The following KLHL29 variants were observed in gnomAD, a reference collection of about 807,000 sequenced individuals.
The protein encoded by KLHL29 is kelch like family member 29.
In KLHL29, 21 loss-of-function variants were observed where a neutral mutation model predicts 80.4. That is an observed-to-expected ratio of 0.26 (90% confidence interval 0.19 to 0.38). The LOEUF is 0.38. Ranked by LOEUF, KLHL29 falls within the 10% of genes least tolerant of loss-of-function variation. The pLI, the probability that KLHL29 is intolerant of heterozygous loss-of-function variation, is 1.00. For missense variants in KLHL29, 867 were observed against 1,223.9 expected, an observed-to-expected ratio of 0.71 and a Z score of 4.35; for synonymous variants, 511 against 526.8, an observed-to-expected ratio of 0.97 and a Z score of 0.41.
chr2:23,574,446 G>A (rs547693176), intron 3 of KLHL29, among the ~76,000 whole-genome samples: 3 of 152,164 alleles, frequency 2.0e-5, no homozygotes, highest in Non-Finnish European at 4.4e-5. Context: ...GGCTGTTGTG[G>A]GGTCTAAATG....
chr2:23,582,739 A>G (rs769066973), intron 3 of KLHL29, among the ~76,000 whole-genome samples: 142 of 152,212 alleles, frequency 9.3e-4, no homozygotes, highest in Non-Finnish European at 1.1e-3. Flanking sequence ...CTTCCAAAGG[A>G]ACCCATCTCT....
intron 3 of KLHL29, among the ~76,000 whole-genome samples, chr2:23,566,929 T>C (rs976368757): frequency 1.3e-5 from 2 of 152,202 alleles, no homozygotes; most frequent in Non-Finnish European, 2.9e-5. Flanking sequence ...CCCCTGGTGG[T>C]TGGTGCTGGA....
chr2:23,546,183 A>G (rs1666974470), intron 2 of KLHL29, among the ~76,000 whole-genome samples: 1 of 152,214 alleles, frequency 6.6e-6, no homozygotes, highest in South Asian at 2.1e-4. Flanking sequence ...GGCTCTGTGC[A>G]GCCACACATG....
chr2:23,619,780 T>C (rs903695685), intron 3 of KLHL29, among the ~76,000 whole-genome samples: 1 of 152,164 alleles, frequency 6.6e-6, no homozygotes, highest in African/African-American at 2.4e-5. Context: ...GGGCATTAAG[T>C]CCAGACTGCT....
intron 2 of KLHL29, among the ~76,000 whole-genome samples, chr2:23,478,527 G>T (rs546198056): frequency 6.6e-6 from 1 of 152,284 alleles, no homozygotes; most frequent in African/African-American, 2.4e-5. Context: ...ACCCAAATAA[G>T]TAAGAAGGCC....
At position 23,642,720 on chromosome 2, in the gene KLHL29, G is replaced by A. The variant is rs552461992; in HGVS notation, c.810G>A (p.Pro270=). ...TGCCTCCACCGCCGCCAGCCCAGCC[G>A]TCCGCCACTCTCCCCAGTGGTGCCC... ...PLLPPPPPAQ[P]SATLPSGAPA... is the part of the protein sequence containing the mutation. The change falls in exon 5 of 14, where the codon CCG becomes CCA. Residue 270 remains proline, a synonymous_variant. Transcript: ENST00000486442. The A allele has an allele frequency of 4.7e-5, 73 of 1,548,908 alleles. No homozygotes were observed. The highest frequency in any genetic ancestry group is 1.8e-4 in the Admixed American group (9 of 50,934).
intron 5 of KLHL29, among the ~76,000 whole-genome samples, chr2:23,677,631 G>A (rs1670959223): frequency 6.6e-6 from 1 of 152,210 alleles, no homozygotes; most frequent in Admixed American, 6.5e-5. Flanking sequence ...AGAAGTAGGG[G>A]AAGAAATGCA....
chr2:23,539,975 C>T (rs925181270), intron 2 of KLHL29, among the ~76,000 whole-genome samples: 2 of 152,176 alleles, frequency 1.3e-5, no homozygotes, highest in Non-Finnish European at 2.9e-5. Flanking sequence ...CCTCTGTAAT[C>T]CTCATTTCAG....
At chr2:23,437,541 C>A (rs1663377451) in intron 1 of KLHL29, among the ~76,000 whole-genome samples, 1 of 152,200 alleles carries the variant, frequency 6.6e-6, no homozygotes, top group Admixed American at 6.5e-5. Flanking sequence ...GATACTTAGG[C>A]TAAATTCGAA....
intron 5 of KLHL29, among the ~76,000 whole-genome samples, chr2:23,654,792 G>T (rs1220464019): frequency 6.6e-6 from 1 of 152,016 alleles, no homozygotes; most frequent in Non-Finnish European, 1.5e-5. Flanking sequence ...GCCCTGAGAG[G>T]CAGAGTCATG....
chr2:23,492,566 T>C (rs1239640843), intron 2 of KLHL29, among the ~76,000 whole-genome samples: 1 of 152,226 alleles, frequency 6.6e-6, no homozygotes, highest in Non-Finnish European at 1.5e-5. Context: ...AGAAATTAGC[T>C]GGAGCATCAG....
At chr2:23,414,557 G>C (rs1666942240) in intron 1 of KLHL29, among the ~76,000 whole-genome samples, 1 of 152,204 alleles carries the variant, frequency 6.6e-6, no homozygotes, top group Non-Finnish European at 1.5e-5. Flanking sequence ...AGGTCACACA[G>C]GGAGAGCAGG....
intron 2 of KLHL29, among the ~76,000 whole-genome samples, chr2:23,526,889 C>T (rs1366830240): frequency 6.6e-6 from 1 of 152,174 alleles, no homozygotes; most frequent in Non-Finnish European, 1.5e-5. Flanking sequence ...TTGTCCACCA[C>T]CACCAGCAGA....
intron 1 of KLHL29, among the ~76,000 whole-genome samples, chr2:23,452,074 C>T (rs940721821): frequency 6.6e-6 from 1 of 151,930 alleles, no homozygotes; most frequent in African/African-American, 2.4e-5. Context: ...TGCAGTGGTG[C>T]GATCACATCT....
rs138632984 is a variant in KLHL29 at position 23,513,435 on chromosome 2, G to A, written c.-46+37768G>A. On this transcript the variant is annotated intron_variant, in intron 2 of 13. Transcript: ENST00000486442. ...AAATCCTCCTTGCCTTCTGAGCCAC[G>A]CCCTCTGTCAGGGTGGGCAGGGTCC... Among the ~76,000 whole-genome samples, 1,179 of 152,256 alleles carry A rather than the reference G, an allele frequency of 7.7e-3. 13 individuals carry two copies. The highest frequency in any genetic ancestry group is 0.025 in the African/African-American group (1,058 of 41,536).
chr2:23,436,332 C>G (rs374408567), intron 1 of KLHL29, among the ~76,000 whole-genome samples: 211 of 109,502 alleles, frequency 1.9e-3, no homozygotes, highest in Middle Eastern at 5.1e-3. Flanking sequence ...GTGTGTGTGT[C>G]TCAGCACCAG....
intron 1 of KLHL29, among the ~76,000 whole-genome samples, chr2:23,471,423 C>T (rs776618360): frequency 6.6e-6 from 1 of 152,204 alleles, no homozygotes; most frequent in African/African-American, 2.4e-5. Flanking sequence ...TATTTATAGA[C>T]TTAGAGGTAA....
chr2:23,558,924 A>G (rs2103494635), intron 2 of KLHL29, among the ~76,000 whole-genome samples: 1 of 152,374 alleles, frequency 6.6e-6, no homozygotes, highest in East Asian at 1.9e-4. Context: ...TGCCGGGGTC[A>G]CACAGAGAAT....
intron 5 of KLHL29, among the ~76,000 whole-genome samples, chr2:23,673,957 C>T (rs1451324664): frequency 1.3e-5 from 2 of 152,202 alleles, no homozygotes; most frequent in African/African-American, 4.8e-5. Context: ...ACACCAGTGA[C>T]CTTCAGTCCC....
Sources: allele counts gnomAD v4.1 joint callset (sites outside exome capture counted in the v4.1 genomes callset), GRCh38; gene constraint gnomAD v4.1.1; transcripts MANE v1.5; gene names NCBI Gene and HGNC (gene_info 2026-07-23, HGNC 2026-07-21).